Variants in RIN2 observed in about 807,000 individuals in gnomAD.
The protein encoded by RIN2 is RAB5 interacting protein 2.
A neutral mutation model predicts 78.0 loss-of-function variants in RIN2; 36 were observed. That is an observed-to-expected ratio of 0.46 (90% confidence interval 0.35 to 0.61). The LOEUF (loss-of-function observed/expected upper bound fraction) is 0.61, where lower values mean the gene tolerates loss of function less well. Ranked by LOEUF, RIN2 falls within the 20% of genes least tolerant of loss-of-function variation. The probability of loss-of-function intolerance (pLI) is 0.00; values close to 1 mark genes in which losing one functional copy is unlikely to be tolerated. For missense variants in RIN2, 1,087 were observed against 1,159.7 expected (o/e 0.94, Z 0.91); for synonymous variants, 466 against 466.8 (o/e 1.00, Z 0.02).
intron 3 of RIN2, among the ~76,000 whole-genome samples, chr20:19,918,565 G>A (rs1006629806): frequency 1.3e-5 from 2 of 152,150 alleles, no homozygotes; most frequent in East Asian, 1.9e-4. Flanking sequence ...AGATAAGCTT[G>A]CTATTGTCAG....
At chr20:19,882,916 T>C (rs1291723313) in intron 2 of RIN2, among the ~76,000 whole-genome samples, 2 of 152,238 alleles carry the variant, frequency 1.3e-5, no homozygotes, top group South Asian at 4.1e-4. Flanking sequence ...TATGAATGCA[T>C]AACATACGGG....
At chr20:19,951,848 A>C (rs756722611) in intron 4 of RIN2, among the ~76,000 whole-genome samples, 1 of 152,106 alleles carries the variant, frequency 6.6e-6, no homozygotes, top group Admixed American at 6.5e-5. Context: ...TTTTTATTGG[A>C]ATCTCCTGGA....
At chr20:19,783,568 G>C (rs2034579291) in intron 1 of RIN2, among the ~76,000 whole-genome samples, 1 of 151,850 alleles carries the variant, frequency 6.6e-6, no homozygotes, top group Non-Finnish European at 1.5e-5. Context: ...GTCTGGATCT[G>C]AATTCCTCCC....
rs141677467 is a variant in RIN2, at chr20:19,878,110, A to T, written c.-36-11456A>T. 2.7e-3 allele frequency among the ~76,000 whole-genome samples: 418 copies of T among 152,316 alleles called. 6 individuals are homozygous for T. Among genetic ancestry groups the T allele is most frequent in the African/African-American group, 9.8e-3 (407 of 41,560 alleles). On this transcript the variant is annotated intron_variant, in intron 2 of 12. Transcript: ENST00000255006. The stretch of plus-strand genomic sequence containing the variant: ...ACCCAATAGTCCCCTAACACCTGAG[A>T]TATGCACTTTGTCCTATCCTAGCCT...
At chr20:19,831,326 G>A (rs2036245954) in intron 2 of RIN2, among the ~76,000 whole-genome samples, 1 of 152,216 alleles carries the variant, frequency 6.6e-6, no homozygotes, top group African/African-American at 2.4e-5. Flanking sequence ...TATGTTAGAA[G>A]TATTTAGTGG....
At chr20:19,971,735 ATTT>A (rs61019165) in intron 8 of RIN2, among the ~76,000 whole-genome samples, 3 of 91,534 alleles carry the variant, frequency 3.3e-5, no homozygotes, top group African/African-American at 9.9e-5. Context: ...TGAAACTGCA[ATTT>A]TTTTTTTTTT....
At chr20:19,939,398 C>T (rs572727441) in intron 4 of RIN2, among the ~76,000 whole-genome samples, 2 of 152,336 alleles carry the variant, frequency 1.3e-5, no homozygotes, top group South Asian at 4.1e-4. Flanking sequence ...AGCACCACTG[C>T]AGTAGCCCCT....
In RIN2 at chr20:19,860,631, C is replaced by A. The variant is rs1305818278; in HGVS notation, c.-36-28935C>A. Among the ~76,000 whole-genome samples the A allele has an allele frequency of 4.6e-5, 7 of 152,276 alleles. No individual in the cohort carries two copies. In the East Asian group the frequency reaches 1.4e-3, roughly 29 times the overall value. On this transcript the variant is annotated intron_variant, in intron 2 of 12. Transcript: ENST00000255006. ...AGCCACTGCACCTGGCCGGTTAATT[C>A]TAAGCTAATTTTCAGATTGCCTAGT...
chr20:19,868,615 C>T (rs2037582550), intron 2 of RIN2, among the ~76,000 whole-genome samples: 2 of 152,056 alleles, frequency 1.3e-5, no homozygotes, highest in African/African-American at 4.8e-5. Flanking sequence ...CGTGCTCCAT[C>T]CTGTAGGGGC....
intron 1 of RIN2, among the ~76,000 whole-genome samples, chr20:19,796,508 G>A (rs1418150590): frequency 3.3e-5 from 5 of 152,146 alleles, no homozygotes. Flanking sequence ...GTTAAGTATT[G>A]TTCTACAAAA....
intron 9 of RIN2, among the ~76,000 whole-genome samples, chr20:19,979,421 C>T (rs957572558): frequency 1.3e-5 from 2 of 152,102 alleles, no homozygotes; most frequent in African/African-American, 2.4e-5. Flanking sequence ...AAAAAGTACC[C>T]TTAAAGTCAA....
intron 2 of RIN2, among the ~76,000 whole-genome samples, chr20:19,822,931 A>G (rs753059294): frequency 2.0e-5 from 3 of 152,046 alleles, no homozygotes; most frequent in Non-Finnish European, 4.4e-5. Context: ...AACTTAGTAA[A>G]TGAGGATTTT....
At chr20:19,959,641 G>GA (rs1458340121) in intron 5 of RIN2, among the ~76,000 whole-genome samples, 2 of 152,282 alleles carry the variant, frequency 1.3e-5, no homozygotes, top group East Asian at 1.9e-4. Flanking sequence ...ATTAGGCAGG[G>GA]AAAAAATGAA....
intron 4 of RIN2, among the ~76,000 whole-genome samples, chr20:19,942,752 C>T (rs192818936): frequency 7.6e-4 from 115 of 152,276 alleles, no homozygotes; most frequent in African/African-American, 2.6e-3. Context: ...TTTTTGTTGA[C>T]GGGTAGCACC....
intron 2 of RIN2, among the ~76,000 whole-genome samples, chr20:19,877,884 G>C (rs1327125283): frequency 6.6e-6 from 1 of 152,166 alleles, no homozygotes; most frequent in East Asian, 1.9e-4. Flanking sequence ...TCCAAGTGTG[G>C]TGGTGCACAC....
At chr20:19,936,527 C>T (rs2040651800) in intron 4 of RIN2, among the ~76,000 whole-genome samples, 1 of 152,152 alleles carries the variant, frequency 6.6e-6, no homozygotes, top group Non-Finnish European at 1.5e-5. Context: ...GGAAAGGCGG[C>T]TCTGTGAGAT....
At position 20,000,807 on chromosome 20, in the gene RIN2, T is replaced by C. The variant is rs368652785; in HGVS notation, c.2559T>C (p.Pro853=). 2 of 1,613,724 alleles carry C rather than the reference T, an allele frequency of 1.2e-6. No homozygotes were observed. Among genetic ancestry groups the C allele is most frequent in the African/African-American group, 1.3e-5 (1 of 74,858 alleles). The change falls in exon 13 of 13, where the codon CCT becomes CCC. Residue 853 remains proline (P), a synonymous_variant. Coordinates refer to ENST00000255006, the MANE Select transcript of RIN2 (RefSeq NM_018993.4). ...AGCAGCTGGCAGAGGACACTTACCC[T>C]CAAAAAATCAAGGCGGAGCTGCACA... ...TWQQLAEDTY[P]QKIKAELHSR... is the part of the protein sequence containing the mutation.
intron 12 of RIN2, among the ~76,000 whole-genome samples, chr20:19,998,810 A>G (rs1465149349): frequency 6.6e-6 from 1 of 152,162 alleles, no homozygotes; most frequent in Non-Finnish European, 1.5e-5. Context: ...CTGGGGTGCC[A>G]TCATATAGCC....
chr20:19,865,488 C>CTTTTTTTTT (rs58947389), intron 2 of RIN2, among the ~76,000 whole-genome samples: 1 of 135,868 alleles, frequency 7.4e-6, no homozygotes, highest in Non-Finnish European at 1.5e-5. Context: ...TACTTTCTTT[C>CTTTTTTTTT]TTTTTTTTTT....
Sources: gnomAD v4.1 joint callset for allele counts (sites outside exome capture counted in the v4.1 genomes callset) on GRCh38, gnomAD v4.1.1 for gene constraint, MANE v1.5 for transcripts, NCBI Gene and HGNC (gene_info 2026-07-23, HGNC 2026-07-21) for gene names.